Variants in RBM33 observed in about 807,000 individuals in gnomAD.
The protein encoded by RBM33 is RNA binding motif protein 33.
In RBM33, 28 loss-of-function variants were observed where a neutral mutation model predicts 132.6. The observed-to-expected ratio is 0.21, with a 90% confidence interval of 0.16 to 0.29. The LOEUF is 0.29. RBM33 is among the 10% of genes least tolerant of loss of function. The pLI, the probability that RBM33 is intolerant of heterozygous loss-of-function variation, is 1.00. For synonymous variants in RBM33, 634 were observed against 593.0 expected (o/e 1.07, Z -1.01); for missense variants, 1,291 against 1,518.5 (o/e 0.85, Z 2.49).
intron 9 of RBM33, among the ~76,000 whole-genome samples, chr7:155,735,862 TGACA>T (rs1801110502): frequency 6.6e-6 from 1 of 152,208 alleles, no homozygotes; most frequent in South Asian, 2.1e-4. Flanking sequence ...CCTCAGTTAC[TGACA>T]TTTATTGGGT....
At position 155,657,491 on chromosome 7, in the gene RBM33, G is replaced by C. The variant is rs1047027702; in HGVS notation, c.44-7684G>C. Among the ~76,000 whole-genome samples, 6 of 152,220 alleles carry C rather than the reference G, an allele frequency of 3.9e-5. No homozygotes were observed. In the East Asian group the frequency reaches 9.6e-4, roughly 24 times the overall value. On this transcript the variant is annotated intron_variant, in intron 1 of 17. Coordinates refer to ENST00000401878, the MANE Select transcript of RBM33 (RefSeq NM_053043.3). ...AGATGTTCTGGTTTCAGCAGAATTA[G>C]ATGCTCTTTTTTTTCGTTTTTTCTT... is the stretch of plus-strand genomic sequence containing the variant.
At chr7:155,724,671 G>T (rs943606301) in intron 9 of RBM33, among the ~76,000 whole-genome samples, 2 of 152,122 alleles carry the variant, frequency 1.3e-5, no homozygotes, top group African/African-American at 4.8e-5. Flanking sequence ...ATCATCCAGG[G>T]ACTCTCCTGC....
intron 5 of RBM33, among the ~76,000 whole-genome samples, chr7:155,685,394 A>C (rs546818683): frequency 6.6e-6 from 1 of 152,348 alleles, no homozygotes; most frequent in African/African-American, 2.4e-5. Flanking sequence ...AAATACTGCA[A>C]GGTTTCTGTA....
In RBM33 at chr7:155,711,304, G is replaced by C. The variant is rs781580971; in HGVS notation, c.1050G>C (p.Pro350=). Residue 350 remains proline, a synonymous_variant, in exon 8 of 18, where the codon CCG becomes CCC. Transcript: ENST00000401878. The part of the protein sequence containing the change: ...PLQPLLPVQH[P]HHPSPPQGMH... ...AGCCGCTGCTTCCGGTGCAGCACCC[G>C]CACCACCCATCCCCGCCTCAGGGAA... 3 of 1,606,468 alleles carry C rather than the reference G, an allele frequency of 1.9e-6. No homozygotes were observed. Among genetic ancestry groups the C allele is most frequent in the Non-Finnish European group, 2.5e-6 (3 of 1,176,652 alleles).
At chr7:155,674,504 A>G (rs1394540365) in intron 3 of RBM33, among the ~76,000 whole-genome samples, 3 of 152,164 alleles carry the variant, frequency 2.0e-5, no homozygotes, top group Non-Finnish European at 4.4e-5. Flanking sequence ...TTGGATTTCT[A>G]TCTCTAGGCA....
At chr7:155,770,262 T>C (rs1160602535) in intron 16 of RBM33, among the ~76,000 whole-genome samples, 3 of 152,244 alleles carry the variant, frequency 2.0e-5, no homozygotes, top group African/African-American at 7.2e-5. Context: ...CCCAGAGCAC[T>C]GTTGTGAACC....
chr7:155,781,433 T>C lies in RBM33; in HGVS notation c.*6392T>C, dbSNP rs1202703829. ...GTACCAAAAAAATGTGTTTGAACTA[T>C]ATTGTATGTAATTTGGAAGTCGTGT... is the stretch of plus-strand genomic sequence containing the variant. On this transcript the variant is annotated 3_prime_UTR_variant, in exon 18 of 18. Coordinates refer to ENST00000401878, the MANE Select transcript of RBM33 (RefSeq NM_053043.3). 1 of 152,274 alleles carries C rather than the reference T, an allele frequency of 6.6e-6. No individual in the cohort carries two copies. Among genetic ancestry groups the C allele is most frequent in the African/African-American group, 2.4e-5 (1 of 41,468 alleles). The allele number at this position is 152,274 out of a possible 1,614,324, so 9.4% of individuals were successfully genotyped here. A position where few individuals can be genotyped will look rare whatever the true frequency, so the allele number is the denominator to read the frequency against.
intron 14 of RBM33, among the ~76,000 whole-genome samples, chr7:155,753,944 C>T (rs1280724476): frequency 6.6e-6 from 1 of 152,208 alleles, no homozygotes; most frequent in Non-Finnish European, 1.5e-5. Context: ...GACGTACAGT[C>T]TAGCATCTTC....
At chr7:155,678,764 G>A in intron 4 of RBM33, 80 bp downstream of exon 4, 2 of 738,088 alleles carry the variant, frequency 2.7e-6, no homozygotes, top group East Asian at 5.5e-5. Flanking sequence ...ATAATGGAAT[G>A]TAATTGAATA....
intron 9 of RBM33, among the ~76,000 whole-genome samples, chr7:155,733,701 C>A (rs778143863): frequency 6.6e-6 from 1 of 152,170 alleles, no homozygotes; most frequent in African/African-American, 2.4e-5. Context: ...AGTCACTGTA[C>A]GGTAGGGAGT....
intron 15 of RBM33, among the ~76,000 whole-genome samples, chr7:155,764,559 C>T (rs1351305719): frequency 6.6e-6 from 1 of 152,258 alleles, no homozygotes; most frequent in Non-Finnish European, 1.5e-5. Context: ...GGGTGCTCCC[C>T]ATCCCCCTTT....
chr7:155,678,343 T>G (rs539939482), intron 3 of RBM33, among the ~76,000 whole-genome samples: 1 of 152,378 alleles, frequency 6.6e-6, no homozygotes, highest in South Asian at 2.1e-4. Context: ...ACTTCTTACC[T>G]TTTCTCTTTT....
chr7:155,656,648 A>G (rs1439570251), intron 1 of RBM33, among the ~76,000 whole-genome samples: 4 of 152,260 alleles, frequency 2.6e-5, no homozygotes, highest in African/African-American at 7.2e-5. Flanking sequence ...AGCAGATAGA[A>G]GAATTCAGCT....
Position 155,775,360 on chromosome 7 carries a change from C to T in RBM33, c.*319C>T, listed in dbSNP as rs752301107. 4 of 485,172 alleles carry T rather than the reference C, an allele frequency of 8.2e-6. No individual in the cohort carries two copies. Among genetic ancestry groups the T allele is most frequent in the Admixed American group, 6.6e-5 (2 of 30,480 alleles). 30.1% of individuals were successfully genotyped at this position (485,172 alleles called of 1,614,324 possible). On this transcript the variant is annotated 3_prime_UTR_variant, in exon 18 of 18. Transcript: ENST00000401878. The stretch of plus-strand genomic sequence containing the variant: ...GTTCTTTGTGGTCTGACTCTATGAT[C>T]GATCACAGTGACTTAGATTCAGGAA...
At chr7:155,665,350 C>G (rs1798773514) in intron 2 of RBM33, 97 bp downstream of exon 2, 1 of 1,023,876 alleles carries the variant, frequency 9.8e-7, no homozygotes, top group Non-Finnish European at 1.5e-6. Context: ...AGCACCTTGA[C>G]TACCTGGCGC....
chr7:155,672,786 C>T (rs2116904695), intron 2 of RBM33, 81 bp from the exon 3 acceptor site: 2 of 711,388 alleles, frequency 2.8e-6, no homozygotes, highest in Admixed American at 2.8e-5. Context: ...CTGTAGAGTT[C>T]TTGGTAAATT....
At chr7:155,770,467 G>A (rs952199727) in intron 16 of RBM33, among the ~76,000 whole-genome samples, 2 of 152,194 alleles carry the variant, frequency 1.3e-5, no homozygotes, top group African/African-American at 4.8e-5. Flanking sequence ...CTGCCAGGGA[G>A]TGCCTCCCCC....
At position 155,700,983 on chromosome 7, in the gene RBM33, A is replaced by G. The variant is rs758589383; in HGVS notation, c.739+39A>G. ...CTGTCTCCCATCCTCCTTTACTCTC[A>G]TTTCAACTTCCTCCATAGTATTGCT... is the stretch of plus-strand genomic sequence containing the variant. On this transcript the variant is annotated intron_variant, in intron 6 of 17. Coordinates refer to ENST00000401878, the MANE Select transcript of RBM33 (RefSeq NM_053043.3). 1.7e-5 allele frequency: 25 copies of G among 1,506,412 alleles called. No homozygotes were observed. In the Admixed American group the frequency reaches 4.1e-4, roughly 25 times the overall value. 93.3% of individuals were successfully genotyped at this position (1,506,412 alleles called of 1,614,324 possible). A position where few individuals can be genotyped will look rare whatever the true frequency, so the allele number is the denominator to read the frequency against.
At chr7:155,655,534 C>CGTTT (rs1554465866) in intron 1 of RBM33, among the ~76,000 whole-genome samples, 4 of 80,114 alleles carry the variant, frequency 5.0e-5, no homozygotes, top group Non-Finnish European at 8.8e-5. Context: ...GGCTGTTTGC[C>CGTTT]TTTTTTTTTT....
Sources: allele counts gnomAD v4.1 joint callset (sites outside exome capture counted in the v4.1 genomes callset), GRCh38; gene constraint gnomAD v4.1.1; transcripts MANE v1.5; gene names NCBI Gene and HGNC (gene_info 2026-07-23, HGNC 2026-07-21).